The following PLXNA4 variants were observed in gnomAD, a reference collection of about 807,000 sequenced individuals.
The protein encoded by PLXNA4 is plexin A4.
In PLXNA4, 44 loss-of-function variants were observed where a neutral mutation model predicts 191.8. The observed-to-expected ratio is 0.23, with a 90% CI of 0.18 to 0.29. PLXNA4 has a LOEUF of 0.29. Ranked by LOEUF, PLXNA4 falls within the 10% of genes least tolerant of loss-of-function variation. The pLI is 1.00. For missense variants in PLXNA4, 1,800 were observed against 2,488.8 expected (o/e 0.72, Z 5.89); for synonymous variants, 1,082 against 1,009.5 (o/e 1.07, Z -1.36).
chr7:132,346,304 G>T (rs1803244493), intron 3 of PLXNA4, among the ~76,000 whole-genome samples: 1 of 152,104 alleles, frequency 6.6e-6, no homozygotes, highest in Non-Finnish European at 1.5e-5. Flanking sequence ...CACATCTTTG[G>T]TCCACTATCA....
At chr7:132,536,258 T>C (rs535907987) in intron 1 of PLXNA4, among the ~76,000 whole-genome samples, 77 of 152,332 alleles carry the variant, frequency 5.1e-4, no homozygotes, top group African/African-American at 1.8e-3. Flanking sequence ...CTGTGTTACA[T>C]TGTTCTCCCT....
chr7:132,226,643 A>G (rs1402681339), intron 7 of PLXNA4, among the ~76,000 whole-genome samples: 1 of 152,214 alleles, frequency 6.6e-6, no homozygotes, highest in East Asian at 1.9e-4. Context: ...GAAGTTTTGC[A>G]TGTATGTGTG....
intron 4 of PLXNA4, among the ~76,000 whole-genome samples, chr7:132,281,158 A>G (rs1168178675): frequency 6.6e-6 from 1 of 152,220 alleles, no homozygotes; most frequent in Non-Finnish European, 1.5e-5. Context: ...TTTGTTTAGC[A>G]CTTAGTGATA....
chr7:132,400,861 A>G (rs538234909), intron 3 of PLXNA4, among the ~76,000 whole-genome samples: 1 of 152,356 alleles, frequency 6.6e-6, no homozygotes, highest in Non-Finnish European at 1.5e-5. Flanking sequence ...GCAATATTGC[A>G]CAAAGAGAAA....
At position 132,496,436 on chromosome 7, in the gene PLXNA4, T is replaced by C. The variant is rs561038506; in HGVS notation, c.1189-6962A>G. 1.1e-4 allele frequency among the ~76,000 whole-genome samples: 16 copies of C among 152,074 alleles called. No individual in the cohort carries two copies. The South Asian group carries it at 3.1e-3, about 30-fold the overall frequency. The stretch of plus-strand genomic sequence containing the variant: ...ATTTTTTTTTTAGATGGAGTCCTGC[T>C]CTGTTACCAGGGTGGAATGCAGTGG... On this transcript the variant is annotated intron_variant, in intron 2 of 31. Coordinates refer to ENST00000321063, the MANE Select transcript of PLXNA4 (RefSeq NM_020911.2).
At chr7:132,375,656 G>A (rs947268745) in intron 3 of PLXNA4, among the ~76,000 whole-genome samples, 1 of 152,158 alleles carries the variant, frequency 6.6e-6, no homozygotes, top group Non-Finnish European at 1.5e-5. Flanking sequence ...TGTCTACTTG[G>A]GGAAGAGGAG....
intron 1 of PLXNA4, among the ~76,000 whole-genome samples, chr7:132,543,171 A>C (rs1264600293): frequency 1.3e-5 from 2 of 152,200 alleles, no homozygotes; most frequent in Non-Finnish European, 2.9e-5. Context: ...CTTGCAACAT[A>C]GTGTAACATT....
At chr7:132,258,957 G>A (rs1289063344) in intron 4 of PLXNA4, among the ~76,000 whole-genome samples, 1 of 152,098 alleles carries the variant, frequency 6.6e-6, no homozygotes, top group African/African-American at 2.4e-5. Context: ...CTTATGAAAG[G>A]GTTTGATGCA....
intron 3 of PLXNA4, among the ~76,000 whole-genome samples, chr7:132,458,543 A>G (rs1796388782): frequency 6.6e-6 from 1 of 151,702 alleles, no homozygotes. Flanking sequence ...AAACTTAAGT[A>G]GAGCAAAAGA....
intron 1 of PLXNA4, among the ~76,000 whole-genome samples, chr7:132,529,898 C>A (rs1799560665): frequency 6.6e-6 from 1 of 152,210 alleles, no homozygotes; most frequent in African/African-American, 2.4e-5. Context: ...AGCCACCGCG[C>A]CTGGCCCCCC....
chr7:132,621,237 T>G (rs141966383), intron 2 of PLXNA4, among the ~76,000 whole-genome samples: 4,158 of 124,522 alleles, frequency 0.033, 92 homozygotes, highest in Middle Eastern at 0.093. Flanking sequence ...AATCTCTTGG[T>G]TTTTTTTTGT....
chr7:132,124,797 A>C lies in PLXNA4; in HGVS notation c.*5682T>G, dbSNP rs1414370048. On this transcript the variant is annotated 3_prime_UTR_variant, in exon 32 of 32. Coordinates refer to ENST00000321063, the MANE Select transcript of PLXNA4 (RefSeq NM_020911.2). ...TCCCGCAACCCAGGATTTTCAGCCT[A>C]CCTGAATCACCTCACTACCTCTGCC... 6.6e-6 allele frequency: 1 copy of C among 152,218 alleles called. No homozygotes were observed. Among genetic ancestry groups the C allele is most frequent in the Non-Finnish European group, 1.5e-5 (1 of 68,046 alleles). 9.4% of individuals were successfully genotyped at this position (152,218 alleles called of 1,614,324 possible). A position where few individuals can be genotyped will look rare whatever the true frequency, so the allele number is the denominator to read the frequency against.
intron 13 of PLXNA4, among the ~76,000 whole-genome samples, chr7:132,197,230 G>C (rs1036262642): frequency 6.6e-5 from 10 of 151,860 alleles, no homozygotes; most frequent in African/African-American, 2.4e-4. Context: ...AATTTATTTT[G>C]GTGTGTAATG....
chr7:132,530,621 T>C (rs1799583172), intron 1 of PLXNA4, among the ~76,000 whole-genome samples: 1 of 152,240 alleles, frequency 6.6e-6, no homozygotes, highest in Admixed American at 6.5e-5. Flanking sequence ...AAATGGGAAC[T>C]CTTGGATACT....
At chr7:132,203,194 C>T (rs1797499261) in intron 11 of PLXNA4, 129 bp downstream of exon 11, 2 of 802,180 alleles carry the variant, frequency 2.5e-6, no homozygotes, top group Non-Finnish European at 4.1e-6. Flanking sequence ...GAAGGAGGGG[C>T]TCAGAGGGAG....
At chr7:132,396,232 T>C (rs986805515) in intron 3 of PLXNA4, among the ~76,000 whole-genome samples, 3 of 152,078 alleles carry the variant, frequency 2.0e-5, no homozygotes, top group African/African-American at 7.2e-5. Flanking sequence ...CTTTGAAAAT[T>C]GGGGAGTTCA....
At chr7:132,330,555 T>C (rs1802551050) in intron 3 of PLXNA4, among the ~76,000 whole-genome samples, 2 of 152,184 alleles carry the variant, frequency 1.3e-5, no homozygotes, top group Non-Finnish European at 2.9e-5. Context: ...TGTGAAAATG[T>C]AAAGAAGTTG....
intron 3 of PLXNA4, among the ~76,000 whole-genome samples, chr7:132,467,282 G>A (rs999498365): frequency 1.3e-5 from 2 of 152,124 alleles, no homozygotes; most frequent in South Asian, 4.1e-4. Flanking sequence ...GGGTGAGTTT[G>A]CATTATTTTT....
chr7:132,459,264 A>G (rs1363493375), intron 3 of PLXNA4, among the ~76,000 whole-genome samples: 1 of 152,226 alleles, frequency 6.6e-6, no homozygotes, highest in African/African-American at 2.4e-5. Context: ...TGCCTGAAGA[A>G]GCAGAAAGTA....
Sources: gnomAD v4.1 joint callset for allele counts (sites outside exome capture counted in the v4.1 genomes callset) on GRCh38, gnomAD v4.1.1 for gene constraint, MANE v1.5 for transcripts, NCBI Gene and HGNC (gene_info 2026-07-23, HGNC 2026-07-21) for gene names.